EML6: variants seen among roughly 807,000 people sequenced by gnomAD.
EML6 encodes echinoderm microtubule-associated protein-like 6.
In EML6, 154 loss-of-function variants were observed where a neutral mutation model predicts 240.1. The observed-to-expected ratio is 0.64, with a 90% CI of 0.56 to 0.73. The LOEUF (loss-of-function observed/expected upper bound fraction) is 0.73. Ranked by LOEUF, EML6 falls within the 30% of genes least tolerant of loss-of-function variation. The pLI is 0.00. For missense variants in EML6, 2,964 were observed against 2,474.6 expected, an observed-to-expected ratio of 1.20 and a Z score of -4.20; for synonymous variants, 1,148 against 899.0, an observed-to-expected ratio of 1.28 and a Z score of -4.95.
chr2:54,727,911 C>G (rs1328143648), intron 2 of EML6, among the ~76,000 whole-genome samples: 2 of 152,048 alleles, frequency 1.3e-5, no homozygotes, highest in Non-Finnish European at 2.9e-5. Context: ...CATAATGAAC[C>G]CTAATAATAA....
chr2:54,817,066 A>T (rs1461077687), intron 4 of EML6, among the ~76,000 whole-genome samples, 181 bp downstream of exon 4: 1 of 152,202 alleles, frequency 6.6e-6, no homozygotes, highest in Non-Finnish European at 1.5e-5. Flanking sequence ...GCTTCTGGTG[A>T]TCAAGTACTT....
intron 19 of EML6, among the ~76,000 whole-genome samples, chr2:54,893,816 GT>G (rs1190670159): frequency 1.3e-5 from 2 of 152,058 alleles, no homozygotes. Context: ...AACTGTAACG[GT>G]TGTTTTGCTG....
At chr2:54,857,637 G>C (rs1670457836) in intron 11 of EML6, among the ~76,000 whole-genome samples, 2 of 152,192 alleles carry the variant, frequency 1.3e-5, no homozygotes, top group South Asian at 4.1e-4. Context: ...GAATTGGGCA[G>C]TGCAGTGTTC....
At chr2:54,902,558 C>G (rs114268695) in intron 22 of EML6, among the ~76,000 whole-genome samples, 1 of 148,238 alleles carries the variant, frequency 6.7e-6, no homozygotes, top group Non-Finnish European at 1.5e-5. Context: ...GCCACTATTC[C>G]TGGCTAATTT....
At chr2:54,888,977 C>T (rs929302240) in intron 17 of EML6, among the ~76,000 whole-genome samples, 1 of 152,200 alleles carries the variant, frequency 6.6e-6, no homozygotes, top group Non-Finnish European at 1.5e-5. Context: ...GCATTCCCAC[C>T]AGCAATTAAC....
At chr2:54,948,785 A>G (rs1373884865) in intron 28 of EML6, 97 bp from the exon 29 acceptor site, 13 of 871,878 alleles carry the variant, frequency 1.5e-5, no homozygotes, top group African/African-American at 3.4e-5. Context: ...GCGGGAGGAG[A>G]GAGGAGGCCG....
intron 26 of EML6, among the ~76,000 whole-genome samples, chr2:54,925,939 G>A (rs1674520128): frequency 6.6e-6 from 1 of 152,130 alleles, no homozygotes; most frequent in Non-Finnish European, 1.5e-5. Flanking sequence ...TCCTCAGAAT[G>A]TGAAAAGCTC....
chr2:54,788,247 C>A (rs750991927), intron 2 of EML6, among the ~76,000 whole-genome samples: 1 of 152,214 alleles, frequency 6.6e-6, no homozygotes, highest in Non-Finnish European at 1.5e-5. Flanking sequence ...TGTTGGCCTG[C>A]AAGGCGGGCT....
intron 28 of EML6, among the ~76,000 whole-genome samples, chr2:54,936,968 CTTTT>C (rs141307785): frequency 1.7e-4 from 23 of 132,584 alleles, no homozygotes; most frequent in Non-Finnish European, 2.2e-4. Context: ...TCATGTCTCT[CTTTT>C]TTTTTTTTTT....
chr2:54,902,088 C>A (rs962332034), intron 22 of EML6, among the ~76,000 whole-genome samples: 1 of 152,164 alleles, frequency 6.6e-6, no homozygotes, highest in African/African-American at 2.4e-5. Flanking sequence ...ACATTACAAT[C>A]CGTGGATCAG....
intron 26 of EML6, among the ~76,000 whole-genome samples, chr2:54,920,522 C>G (rs1006218527): frequency 8.5e-5 from 13 of 152,104 alleles, no homozygotes; most frequent in Non-Finnish European, 4.4e-5. Context: ...AATCAAGAAC[C>G]TCCCAGAAAA....
At chr2:54,849,337 C>G (rs1669945421) in intron 9 of EML6, among the ~76,000 whole-genome samples, 1 of 152,244 alleles carries the variant, frequency 6.6e-6, no homozygotes, top group Non-Finnish European at 1.5e-5. Context: ...AGTTACTCCA[C>G]TGATCTATCA....
In EML6 at chr2:54,891,166, T is replaced by C; in HGVS notation, c.2539+12T>C. On this transcript the variant is annotated intron_variant, in intron 18 of 41. Coordinates refer to ENST00000356458, the MANE Select transcript of EML6 (RefSeq NM_001039753.4). ...CTGGCAACAAGCAGGTACTGTCGTT[T>C]GGGTTTATCATTTATGTGATTGAGA... is the stretch of plus-strand genomic sequence containing the variant. The C allele has an allele frequency of 1.5e-6, 2 of 1,366,756 alleles. No homozygotes were observed. Among genetic ancestry groups the C allele is most frequent in the Non-Finnish European group, 2.0e-6 (2 of 997,518 alleles). 84.7% of individuals were successfully genotyped at this position (1,366,756 alleles called of 1,614,324 possible).
At chr2:54,874,750 A>T (rs996883884) in intron 16 of EML6, among the ~76,000 whole-genome samples, 10 of 152,128 alleles carry the variant, frequency 6.6e-5, no homozygotes, top group Non-Finnish European at 1.5e-4. Context: ...GTGACTCCTG[A>T]AAGTGTGAGC....
At chr2:54,873,214 G>A (rs570241251) in intron 16 of EML6, among the ~76,000 whole-genome samples, 18 of 152,282 alleles carry the variant, frequency 1.2e-4, no homozygotes, top group South Asian at 8.3e-4. Context: ...TTTTCTAACA[G>A]GCATGTTCTC....
intron 5 of EML6, among the ~76,000 whole-genome samples, chr2:54,821,102 A>G (rs377211533): frequency 7.9e-5 from 12 of 152,266 alleles, no homozygotes; most frequent in Admixed American, 3.3e-4. Flanking sequence ...CTTTCTCTAT[A>G]GGATCGTAAA....
chr2:54,795,972 C>T (rs561672700), intron 2 of EML6, among the ~76,000 whole-genome samples: 37 of 152,192 alleles, frequency 2.4e-4, no homozygotes, highest in Non-Finnish European at 4.9e-4. Context: ...CATTAAAAAT[C>T]CAGCACCAAA....
At chr2:54,890,986 A>C in intron 17 of EML6, 68 bp from the exon 18 acceptor site, 1 of 746,358 alleles carries the variant, frequency 1.3e-6, no homozygotes, top group Non-Finnish European at 2.1e-6. Context: ...GACCAAATGC[A>C]TGCTTTTAAT....
At chr2:54,826,965 G>A (rs1668628464) in intron 5 of EML6, among the ~76,000 whole-genome samples, 2 of 152,148 alleles carry the variant, frequency 1.3e-5, no homozygotes. Flanking sequence ...TTGAGGCCAG[G>A]AGTTCGAGAC....
Sources: allele counts gnomAD v4.1 joint callset (sites outside exome capture counted in the v4.1 genomes callset), GRCh38; gene constraint gnomAD v4.1.1; transcripts MANE v1.5; gene names NCBI Gene and HGNC (gene_info 2026-07-23, HGNC 2026-07-21).